MYO15A: variants seen among roughly 807,000 people sequenced by gnomAD.
MYO15A encodes unconventional myosin-XV.
In MYO15A, 308 loss-of-function variants were observed where a neutral mutation model predicts 394.6. The ratio of observed to expected loss-of-function variants is 0.78; its 90% CI spans 0.71 to 0.86. The LOEUF (loss-of-function observed/expected upper bound fraction) is 0.86. Among genes scored for constraint, MYO15A ranks in the 40% least tolerant of loss-of-function variants. The pLI, the probability that MYO15A is intolerant of heterozygous loss-of-function variation, is 0.00. For synonymous variants in MYO15A, 1,957 were observed against 2,003.8 expected (o/e 0.98, Z 0.62); for missense variants, 4,606 against 4,799.1 (o/e 0.96, Z 1.19).
At position 18,158,510 on chromosome 17, in the gene MYO15A, G is replaced by T; in HGVS notation, c.8968-13G>T. 2.5e-6 allele frequency: 4 copies of T among 1,613,004 alleles called. No homozygotes were observed. The highest frequency in any genetic ancestry group is 3.4e-6 in the Non-Finnish European group (4 of 1,179,092). ...GGCCGGACTGGGCCTTCCTAGCTCCGCCTCTTCTGCAGGGTCCCCCAGTCA... is the reference window on the plus strand; with the variant it reads ...GGCCGGACTGGGCCTTCCTAGCTCCTCCTCTTCTGCAGGGTCCCCCAGTCA... On this transcript the variant is annotated splice_polypyrimidine_tract_variant and intron_variant, in intron 51 of 65. Coordinates refer to ENST00000647165, the MANE Select transcript of MYO15A (RefSeq NM_016239.4).
At chr17:18,142,360 C>A (rs1470243580) in intron 24 of MYO15A, 106 bp downstream of exon 24, 5 of 1,353,756 alleles carry the variant, frequency 3.7e-6, no homozygotes. Context: ...GGCATGCAAG[C>A]TGAGGGTGGA....
In MYO15A at chr17:18,163,816, T is replaced by C. The variant is rs2046810436; in HGVS notation, c.9765T>C (p.Val3255=). The change falls in exon 60 of 66, where the codon GTT becomes GTC. Residue 3255 remains valine, a synonymous_variant. Coordinates refer to ENST00000647165, the MANE Select transcript of MYO15A (RefSeq NM_016239.4). ...GCCCTGAGGCCTTCAATGAATATGT[T>C]ATCTTCGTTGTCACCAACCGTGGTG... ...LTRPEAFNEY[V]IFVVTNRGQH... 1 of 1,614,038 alleles carries C rather than the reference T, an allele frequency of 6.2e-7. No individual in the cohort carries two copies. Among genetic ancestry groups the C allele is most frequent in the Non-Finnish European group, 8.5e-7 (1 of 1,179,942 alleles).
chr17:18,144,739 GGGGAAATCT>G, intron 29 of MYO15A, 147 bp downstream of exon 29: 1 of 730,202 alleles, frequency 1.4e-6, no homozygotes, highest in Non-Finnish European at 2.4e-6. Context: ...TATGTCAGAG[GGGGAAATCT>G]GGCTTCCTCT....
rs1359682652 is a variant in MYO15A at position 18,122,171 on chromosome 17, T to C, written c.3371T>C (p.Leu1124Pro). The C allele has an allele frequency of 4.3e-6, 7 of 1,612,990 alleles. No homozygotes were observed. The highest frequency in any genetic ancestry group is 5.1e-6 in the Non-Finnish European group (6 of 1,180,012). Residue 1124 changes from leucine to proline, a missense_variant, in exon 2 of 66, where the codon CTG (leucine) becomes CCG (proline). Transcript: ENST00000647165. ...FAVVMPRVQKLSSFQRVGPAT... is the reference protein window; with the variant it reads ...FAVVMPRVQKPSSFQRVGPAT... Reference sequence around the variant, plus strand: ...GTGGTCATGCCTCGTGTGCAGAAGCTGAGCTCTTTCCAGCGAGTTGGGCCT... The same window carrying C: ...GTGGTCATGCCTCGTGTGCAGAAGCCGAGCTCTTTCCAGCGAGTTGGGCCT...
intron 18 of MYO15A, 135 bp from the exon 19 acceptor site, chr17:18,139,399 C>A: frequency 9.4e-7 from 1 of 1,065,384 alleles, no homozygotes. Context: ...GGCGAATGCT[C>A]CCCTCCCCCA....
chr17:18,154,753 T>C lies in MYO15A; in HGVS notation c.8222T>C (p.Phe2741Ser). 6.2e-7 allele frequency: 1 copy of C among 1,613,478 alleles called. No individual in the cohort carries two copies. The highest frequency in any genetic ancestry group is 8.5e-7 in the Non-Finnish European group (1 of 1,179,994). ...EDERLRMKAL[F>S]AQNQLDTQKP... Reference sequence around the variant, plus strand: ...GAGAGGCTCAGGATGAAGGCCTTGTTTGGTATCTCGGGGGAGAGGAGGGGT... The same window carrying C: ...GAGAGGCTCAGGATGAAGGCCTTGTCTGGTATCTCGGGGGAGAGGAGGGGT... Residue 2741 changes from phenylalanine to serine, a missense_variant and splice_region_variant, in exon 45 of 66, where the codon TTT (phenylalanine) becomes TCT (serine). Physicochemically the swap from Phe to Ser is radical, Grantham distance 155. Around this residue, in one of 2 missense-constraint regions of MYO15A, gnomAD observed 2,776 missense variants for 3,109.3 expected, o/e 0.89. Coordinates refer to ENST00000647165, the MANE Select transcript of MYO15A (RefSeq NM_016239.4).
chr17:18,176,541 C>CTTTTTTTTTTTTTTTTTTTTTTT (rs35105114), intron 65 of MYO15A: 1 of 93,462 alleles, frequency 1.1e-5, no homozygotes, highest in Non-Finnish European at 2.1e-5. Flanking sequence ...TTTTACTTTT[C>CTTTTTTTTTTTTTTTTTTTTTTT]TTTTTTTTTT....
In MYO15A at chr17:18,148,077, C is replaced by T; in HGVS notation, c.6558C>T (p.His2186=). 6.2e-7 allele frequency: 1 copy of T among 1,613,930 alleles called. No individual in the cohort carries two copies. The highest frequency in any genetic ancestry group is 2.2e-5 in the East Asian group (1 of 44,872). ...ATGGCTTCCAGGCTGTGTGTCAGCA[C>T]CGCCTCATGCAGGCCATGGGCCGGG... ...GRNGFQAVCQ[H]RLMQAMGRAQ... The change falls in exon 31 of 66, where the codon CAC becomes CAT. Residue 2186 remains histidine, a synonymous_variant. Transcript: ENST00000647165. The surrounding 1 kb of genome is among the most constrained non-coding windows in gnomAD (Gnocchi z 4.8).
At position 18,162,589 on chromosome 17, in the gene MYO15A, C is replaced by A; in HGVS notation, c.9522C>A (p.Ile3174=). Residue 3174 remains isoleucine (I), a synonymous_variant, in exon 58 of 66, where the codon ATC becomes ATA. Coordinates refer to ENST00000647165, the MANE Select transcript of MYO15A (RefSeq NM_016239.4). ...CTGAACTCCCTGCTTCTGCAGGGAT[C>A]GCCAAGGCCTGCGAGCAGAACCTGC... ...SRTPGLPFQG[I]AKACEQNLQK... 6.2e-7 allele frequency: 1 copy of A among 1,613,812 alleles called. No homozygotes were observed.
chr17:18,135,824 C>G lies in MYO15A; in HGVS notation c.4596C>G (p.Thr1532=). ...AGAAGGCCATCACCTTCAAAGTGAC[C>G]GTGAGTCTGTGGGCATCTGGCCTTC... ...GLQKAITFKV[T]ETMREKIFTP... is the part of the protein sequence containing the mutation. Residue 1532 remains threonine (T), a splice_region_variant and synonymous_variant, in exon 13 of 66, where the codon ACC becomes ACG. Coordinates refer to ENST00000647165, the MANE Select transcript of MYO15A (RefSeq NM_016239.4). 6.2e-7 allele frequency: 1 copy of G among 1,613,200 alleles called. No homozygotes were observed.
rs753149899 is a variant in MYO15A, at chr17:18,119,839, G to A, written c.1039G>A (p.Ala347Thr). ...HPYGYYLDPY[A>T]PYDAPYPPYD... ...TTATGGCTACTACCTGGATCCCTAT[G>A]CGCCGTACGACGCGCCATACCCACC... Residue 347 changes from alanine (A) to threonine (T), a missense_variant, in exon 2 of 66, where the codon GCG becomes ACG. Ala to Thr is a moderately conservative substitution (Grantham distance 58). Around this residue, in one of 2 missense-constraint regions of MYO15A, gnomAD observed 1,830 missense variants for 1,689.7 expected, o/e 1.08. Coordinates refer to ENST00000647165, the MANE Select transcript of MYO15A (RefSeq NM_016239.4). 1.2e-6 allele frequency: 2 copies of A among 1,613,068 alleles called. No individual in the cohort carries two copies. Among genetic ancestry groups the A allele is most frequent in the Non-Finnish European group, 1.7e-6 (2 of 1,180,000 alleles).
intron 19 of MYO15A, among the ~76,000 whole-genome samples, chr17:18,139,847 T>TGGCTA (rs1235190722): frequency 6.6e-6 from 1 of 152,202 alleles, no homozygotes; most frequent in African/African-American, 2.4e-5. Context: ...ACAGCCCCAG[T>TGGCTA]GGCTAGACTC....
intron 63 of MYO15A, 56 bp downstream of exon 63, chr17:18,171,827 T>G (rs1472802146): frequency 1.9e-6 from 3 of 1,579,718 alleles, no homozygotes; most frequent in Non-Finnish European, 2.6e-6. Context: ...AGGAGGGTGG[T>G]CATGGAGGAT....
rs1006376839 is a variant in MYO15A, at chr17:18,150,736, G to C, written c.7366G>C (p.Ala2456Pro). 6.3e-7 allele frequency: 1 copy of C among 1,588,712 alleles called. No homozygotes were observed. Among genetic ancestry groups the C allele is most frequent in the African/African-American group, 1.3e-5 (1 of 74,442 alleles). Reference sequence around the variant, plus strand: ...TGCCTCCACATTGGCTCTGCAGCAAGCCTTCATCCACAAACAGGCCGTGCT... The same window carrying C: ...TGCCTCCACATTGGCTCTGCAGCAACCCTTCATCCACAAACAGGCCGTGCT... ...LDASTLALQQ[A>P]FIHKQAVLLA... The change falls in exon 37 of 66, where the codon GCC (alanine) becomes CCC (proline). Residue 2456 changes from alanine (A) to proline (P), a missense_variant. Coordinates refer to ENST00000647165, the MANE Select transcript of MYO15A (RefSeq NM_016239.4). The surrounding 1 kb of genome is among the most constrained non-coding windows in gnomAD (Gnocchi z 4.4).
chr17:18,157,705 CT>C lies in MYO15A; in HGVS notation c.8789-13del. 1 of 1,604,408 alleles carries C rather than the reference CT, an allele frequency of 6.2e-7. No homozygotes were observed. ...CAAGACCCTCCTGTTTGCCTCAGAC[CT>C]TTTACCCACCCCTAGGCTGGAGGTT... On this transcript the variant is annotated splice_polypyrimidine_tract_variant and intron_variant, in intron 50 of 65. Coordinates refer to ENST00000647165, the MANE Select transcript of MYO15A (RefSeq NM_016239.4).
At chr17:18,162,462 A>G in intron 57 of MYO15A, 123 bp from the exon 58 acceptor site, 1 of 818,542 alleles carries the variant, frequency 1.2e-6, no homozygotes, top group Non-Finnish European at 2.0e-6. Flanking sequence ...CAAATGGGGG[A>G]GTAAATGCCT....
chr17:18,116,929 A>AGAAAG, intron 1 of MYO15A, among the ~76,000 whole-genome samples: 1 of 132,236 alleles, frequency 7.6e-6, no homozygotes, highest in African/African-American at 3.0e-5. Flanking sequence ...CAAAAAAAAA[A>AGAAAG]AAAGAAAGAA....
At chr17:18,170,530 T>C (rs1170458914) in intron 62 of MYO15A, among the ~76,000 whole-genome samples, 1 of 151,854 alleles carries the variant, frequency 6.6e-6, no homozygotes, top group African/African-American at 2.4e-5. Flanking sequence ...AGCTAATTTT[T>C]AAATTTTTGT....
At chr17:18,158,802 G>A (rs898831458) in intron 52 of MYO15A, 123 bp from the exon 53 acceptor site, 10 of 1,404,456 alleles carry the variant, frequency 7.1e-6, no homozygotes, top group Admixed American at 5.1e-5. Context: ...GGGGGTCTTC[G>A]TGACCGGTAG....
Sources: gnomAD v4.1 joint callset for allele counts (sites outside exome capture counted in the v4.1 genomes callset) on GRCh38, gnomAD v4.1.1 for gene constraint, gnomAD v4.1.1 regional missense constraint, Gnocchi (gnomAD v3.1) non-coding constraint, MANE v1.5 for transcripts, NCBI Gene and HGNC (gene_info 2026-07-23, HGNC 2026-07-21) for gene names.